PALD1: variants seen among roughly 807,000 people sequenced by gnomAD.
PALD1 encodes the protein paladin.
In PALD1, 57 loss-of-function variants were observed where a neutral mutation model predicts 96.0. That is an observed-to-expected ratio of 0.59 (90% CI 0.48 to 0.74). The LOEUF (loss-of-function observed/expected upper bound fraction) is 0.74, where lower values mean the gene tolerates loss of function less well. Among genes scored for constraint, PALD1 ranks in the 30% least tolerant of loss-of-function variants. The probability of loss-of-function intolerance (pLI) is 0.00; values close to 1 mark genes in which losing one functional copy is unlikely to be tolerated. For missense variants in PALD1, 1,063 were observed against 1,143.7 expected (o/e 0.93, Z 1.02); for synonymous variants, 464 against 473.6 (o/e 0.98, Z 0.26).
At chr10:70,510,538 A>T (rs115259156) in intron 1 of PALD1, among the ~76,000 whole-genome samples, 401 of 152,306 alleles carry the variant, frequency 2.6e-3, no homozygotes, top group African/African-American at 9.0e-3. Flanking sequence ...GACAGGAGCC[A>T]GCCTTTTTCA....
At chr10:70,508,784 C>CGTGTGTGCGTGT (rs1846447226) in intron 1 of PALD1, among the ~76,000 whole-genome samples, 1 of 100,034 alleles carries the variant, frequency 1.0e-5, no homozygotes, top group Non-Finnish European at 2.1e-5. Context: ...CTCTGTATGG[C>CGTGTGTGCGTGT]GTGTGTGTGT....
chr10:70,500,958 A>G (rs1312649553), intron 1 of PALD1, among the ~76,000 whole-genome samples: 2 of 152,152 alleles, frequency 1.3e-5, no homozygotes, highest in East Asian at 3.9e-4. Context: ...TGGCCTCTGT[A>G]TGCCCACCCA....
intron 4 of PALD1, 114 bp from the exon 5 acceptor site, chr10:70,531,176 T>C (rs2132367705): frequency 1.2e-6 from 1 of 803,598 alleles, no homozygotes; most frequent in South Asian, 1.7e-5. Context: ...GCAGGGATGG[T>C]GTGGGGTGCA....
chr10:70,504,036 C>T (rs10999361), intron 1 of PALD1, among the ~76,000 whole-genome samples: 23,851 of 152,208 alleles, frequency 0.16, 2,303 homozygotes, highest in Admixed American at 0.23. Flanking sequence ...CAAGTTAACC[C>T]GGACCATCTG....
At chr10:70,463,575 C>G in the PALD1 span, among the ~76,000 whole-genome samples, 1 of 152,064 alleles carries the variant, frequency 6.6e-6, no homozygotes, top group African/African-American at 2.4e-5. Flanking sequence ...AGACATTGCT[C>G]TAGGTGGAGC....
At chr10:70,565,443 C>G (rs1847824998) in intron 19 of PALD1, among the ~76,000 whole-genome samples, 1 of 152,192 alleles carries the variant, frequency 6.6e-6, no homozygotes. Flanking sequence ...CCAGACCTCA[C>G]CAGCAGATCC....
chr10:70,534,346 A>G, intron 8 of PALD1, 79 bp from the exon 9 acceptor site: 4 of 973,510 alleles, frequency 4.1e-6, no homozygotes, highest in Non-Finnish European at 4.8e-6. Flanking sequence ...CCCAGCGGCC[A>G]TATGAGTGGA....
At position 70,537,925 on chromosome 10, in the gene PALD1, A is replaced by G. The variant is rs377503139; in HGVS notation, c.1323+19A>G. On this transcript the variant is annotated intron_variant, in intron 11 of 19. Transcript: ENST00000263563. The stretch of plus-strand genomic sequence containing the variant: ...TGAGCAGGTGGGGCCTGGGAGGAGC[A>G]GACCCACGTCCCCTCCTCCTGGGCC... 8 of 1,515,246 alleles carry G rather than the reference A, an allele frequency of 5.3e-6. No homozygotes were observed. The highest frequency in any genetic ancestry group is 7.3e-6 in the Non-Finnish European group (8 of 1,090,494). 93.9% of individuals were successfully genotyped at this position (1,515,246 alleles called of 1,614,324 possible).
chr10:70,551,161 C>T (rs1044398727), intron 18 of PALD1, among the ~76,000 whole-genome samples: 27 of 152,224 alleles, frequency 1.8e-4, no homozygotes, highest in African/African-American at 6.5e-4. Context: ...CCCCAGTGGG[C>T]TGCAGGGAGA....
chr10:70,507,566 T>G (rs1846415666), intron 1 of PALD1, among the ~76,000 whole-genome samples: 1 of 152,146 alleles, frequency 6.6e-6, no homozygotes, highest in Non-Finnish European at 1.5e-5. Flanking sequence ...GGACCGAAGG[T>G]GTGCACCACC....
chr10:70,487,715 AC>A (rs955996378), intron 1 of PALD1, among the ~76,000 whole-genome samples: 2 of 151,502 alleles, frequency 1.3e-5, no homozygotes, highest in African/African-American at 4.9e-5. Context: ...AAACAAAAAA[AC>A]AAAAAACAGT....
At chr10:70,477,335 T>C (rs547404225), upstream of PALD1, among the ~76,000 whole-genome samples, 2 of 152,216 alleles carry the variant, frequency 1.3e-5, no homozygotes, top group African/African-American at 4.8e-5. Flanking sequence ...ATCTTATGGA[T>C]GTAGAAGTTG....
chr10:70,539,409 G>A lies in PALD1; in HGVS notation c.1725+162G>A, dbSNP rs765558367. Among the ~76,000 whole-genome samples the A allele has an allele frequency of 9.2e-5, 14 of 152,122 alleles. No homozygotes were observed. The highest frequency in any genetic ancestry group is 1.9e-4 in the Non-Finnish European group (13 of 68,008). On this transcript the variant is annotated intron_variant, in intron 14 of 19. Transcript: ENST00000263563. The surrounding 1 kb of genome is among the most constrained non-coding windows in gnomAD (Gnocchi z 4.5). ...GCCAACTCAGGATTCCCACTAAAGT[G>A]CTCTGCTAACCTGCTTGGCTTTGGG... is the stretch of plus-strand genomic sequence containing the variant.
intron 1 of PALD1, among the ~76,000 whole-genome samples, chr10:70,483,113 G>A (rs927483561): frequency 1.3e-5 from 2 of 152,128 alleles, no homozygotes; most frequent in Non-Finnish European, 2.9e-5. Context: ...GATGGGGTCT[G>A]TGCTAGTTAT....
intron 5 of PALD1, among the ~76,000 whole-genome samples, 182 bp from the exon 6 acceptor site, chr10:70,532,439 G>A (rs921667495): frequency 6.6e-6 from 1 of 152,188 alleles, no homozygotes; most frequent in African/African-American, 2.4e-5. Flanking sequence ...TAGGCACCCC[G>A]ATTCCTTCAG....
intron 1 of PALD1, among the ~76,000 whole-genome samples, chr10:70,481,625 A>G (rs1845933536): frequency 6.6e-6 from 1 of 152,330 alleles, no homozygotes; most frequent in East Asian, 1.9e-4. Context: ...CTTTCCTACC[A>G]GAATAGGAGA....
At chr10:70,475,169 G>C (rs1465848545), upstream of PALD1, among the ~76,000 whole-genome samples, 1 of 152,230 alleles carries the variant, frequency 6.6e-6, no homozygotes, top group African/African-American at 2.4e-5. Flanking sequence ...TTGTAGCATA[G>C]GGGTCACATG....
rs145430517 is a variant in PALD1 at position 70,541,498 on chromosome 10, T to C, written c.2085T>C (p.Ser695=). 1.2e-4 allele frequency: 186 copies of C among 1,613,822 alleles called. No homozygotes were observed. The African/African-American group carries it at 2.2e-3, about 19-fold the overall frequency. Residue 695 remains serine, a synonymous_variant, in exon 17 of 20, where the codon AGT becomes AGC. Transcript: ENST00000263563. ...AGGTGGGTGAGGAGGAGCTCGTGAG[T>C]GTGCCTGATGCCAAGTTCACTAAGG... The part of the protein sequence containing the change: ...FPEVGEEELV[S]VPDAKFTKGE...
chr10:70,533,785 G>A, intron 7 of PALD1, 137 bp from the exon 8 acceptor site: 1 of 732,968 alleles, frequency 1.4e-6, no homozygotes, highest in East Asian at 3.2e-5. Flanking sequence ...GGCAGAAGAG[G>A]CCAAGACACC....
Sources: allele counts gnomAD v4.1 joint callset (sites outside exome capture counted in the v4.1 genomes callset), GRCh38; gene constraint gnomAD v4.1.1; non-coding constraint Gnocchi (gnomAD v3.1); transcripts MANE v1.5; gene names NCBI Gene and HGNC (gene_info 2026-07-23, HGNC 2026-07-21).